Variants in MIB1 observed in about 807,000 individuals in gnomAD.
MIB1 encodes MIB E3 ubiquitin protein ligase 1.
A neutral mutation model predicts 124.5 loss-of-function variants in MIB1; 278 were observed. That is an observed-to-expected ratio of 2.23 (90% CI 2.02 to 2.47). The LOEUF is 2.47. Ranked by LOEUF, MIB1 falls within the 30% of genes most tolerant of loss-of-function variation. MIB1 has a pLI of 0.00. For missense variants in MIB1, 957 were observed against 1,254.4 expected (o/e 0.76, Z 3.58); for synonymous variants, 446 against 429.4 (o/e 1.04, Z -0.48).
intron 7 of MIB1, among the ~76,000 whole-genome samples, chr18:21,792,960 A>G (rs570005426): frequency 6.6e-6 from 1 of 152,374 alleles, no homozygotes; most frequent in Non-Finnish European, 1.5e-5. Flanking sequence ...TAACCAAAAA[A>G]GCCACAAACA....
At chr18:21,724,712 CAAAAAAAAAA>C (rs1193584277) in intron 1 of MIB1, among the ~76,000 whole-genome samples, 8 of 20,752 alleles carry the variant, frequency 3.9e-4, no homozygotes, top group Admixed American at 9.6e-4. Context: ...CTCCCCCATC[CAAAAAAAAAA>C]AAAAAATATA....
At chr18:21,713,612 CAAAAA>C (rs57282241) in intron 1 of MIB1, among the ~76,000 whole-genome samples, 4 of 44,208 alleles carry the variant, frequency 9.0e-5, no homozygotes, top group African/African-American at 2.2e-4. Flanking sequence ...GATTCTGTCT[CAAAAA>C]AAAAAAAAAA....
At chr18:21,737,370 C>T (rs943606844), upstream of MIB1, among the ~76,000 whole-genome samples, 2 of 152,046 alleles carry the variant, frequency 1.3e-5, no homozygotes, top group African/African-American at 4.8e-5. Context: ...CTTATAAGAG[C>T]TGAAGGAAGC....
intron 8 of MIB1, 58 bp downstream of exon 8, chr18:21,798,286 A>G (rs2041609342): frequency 6.5e-7 from 1 of 1,535,222 alleles, no homozygotes; most frequent in Admixed American, 1.7e-5. Context: ...AACCTTTGCT[A>G]ATTCCCCAGT....
intron 1 of MIB1, among the ~76,000 whole-genome samples, chr18:21,756,757 C>T (rs931846827): frequency 6.6e-6 from 1 of 152,092 alleles, no homozygotes; most frequent in South Asian, 2.1e-4. Context: ...AGCCACCGCA[C>T]GTGGAGTCAA....
chr18:21,743,985 T>C (rs773326038), intron 1 of MIB1, among the ~76,000 whole-genome samples: 12 of 152,092 alleles, frequency 7.9e-5, no homozygotes, highest in Non-Finnish European at 1.5e-4. Context: ...TATGTAGTGG[T>C]TTATCTTGTT....
At chr18:21,848,118 A>ATG (rs1363033881) in intron 16 of MIB1, among the ~76,000 whole-genome samples, 4 of 152,210 alleles carry the variant, frequency 2.6e-5, no homozygotes, top group African/African-American at 9.6e-5. Context: ...TGAGGTATAT[A>ATG]CATTTCTTTA....
At chr18:21,814,326 T>G (rs895392751) in intron 10 of MIB1, among the ~76,000 whole-genome samples, 1 of 152,176 alleles carries the variant, frequency 6.6e-6, no homozygotes, top group Non-Finnish European at 1.5e-5. Context: ...TTTTAATGTG[T>G]TGATAAATTG....
chr18:21,828,861 G>T, intron 12 of MIB1: 1 of 297,814 alleles, frequency 3.4e-6, no homozygotes, highest in Non-Finnish European at 6.7e-6. Flanking sequence ...TCTATCAGTA[G>T]TAGATAACCT....
intron 1 of MIB1, among the ~76,000 whole-genome samples, chr18:21,718,509 A>C (rs78003182): frequency 0.016 from 2,442 of 152,344 alleles, 38 homozygotes; most frequent in East Asian, 0.069. Flanking sequence ...TGTTCAGCCC[A>C]GTGAAATCTG....
chr18:21,741,728 G>C lies in MIB1; in HGVS notation c.145G>C (p.Val49Leu), dbSNP rs1405294104. The C allele has an allele frequency of 6.2e-7, 1 of 1,611,458 alleles. No homozygotes were observed. The highest frequency in any genetic ancestry group is 2.2e-5 in the East Asian group (1 of 44,794). Residue 49 changes from valine to leucine, a missense_variant, in exon 1 of 21, where the codon GTG becomes CTG. Physicochemically the swap from Val to Leu is conservative, Grantham distance 32. Coordinates refer to ENST00000261537, the MANE Select transcript of MIB1 (RefSeq NM_020774.4). This position sits in a 1 kb window ranked among gnomAD's most constrained non-coding sequence, Gnocchi z 5.4. ...VRSFESPEEV[V>L]VVWDNGTAAN... ...GAGCTTCGAGAGCCCCGAGGAGGTG[G>C]TGGTAGTGTGGGACAACGGCACAGC...
intron 6 of MIB1, among the ~76,000 whole-genome samples, chr18:21,788,942 C>T (rs941145296): frequency 6.6e-6 from 1 of 152,114 alleles, no homozygotes; most frequent in African/African-American, 2.4e-5. Flanking sequence ...AACTACTGAA[C>T]ATTGTTGAAA....
rs761187206 is a variant in MIB1 at position 21,779,618 on chromosome 18, A to G, written c.841A>G (p.Thr281Ala). The G allele has an allele frequency of 1.9e-6, 3 of 1,614,110 alleles. No homozygotes were observed. Among genetic ancestry groups the G allele is most frequent in the Non-Finnish European group, 2.5e-6 (3 of 1,179,986 alleles). Residue 281 changes from threonine to alanine, a missense_variant, in exon 6 of 21, where the codon ACA becomes GCA. By Grantham distance (58) the Thr-to-Ala change is moderately conservative (BLOSUM62 0). Transcript: ENST00000261537. Reference protein sequence around the residue: ...WTDGMFETLTTTGTVCGIDED... With the variant: ...WTDGMFETLTATGTVCGIDED... The stretch of plus-strand genomic sequence containing the variant: ...TGATGGAATGTTTGAGACTTTAACT[A>G]CAACTGGAACTGTTTGTGGCATTGA...
At position 21,779,633 on chromosome 18, in the gene MIB1, T is replaced by G; in HGVS notation, c.856T>G (p.Cys286Gly). ...FETLTTTGTV[C>G]GIDEDHDIVV... ...GACTTTAACTACAACTGGAACTGTTTGTGGCATTGATGAAGATCATGACAT... is the reference window on the plus strand; with the variant it reads ...GACTTTAACTACAACTGGAACTGTTGGTGGCATTGATGAAGATCATGACAT... The change falls in exon 6 of 21, where the codon TGT becomes GGT. Residue 286 changes from cysteine (C) to glycine (G), a missense_variant. Coordinates refer to ENST00000261537, the MANE Select transcript of MIB1 (RefSeq NM_020774.4). The G allele has an allele frequency of 6.2e-7, 1 of 1,614,150 alleles. No homozygotes were observed. The highest frequency in any genetic ancestry group is 1.1e-5 in the South Asian group (1 of 91,084).
At chr18:21,711,442 C>T (rs748476471) in intron 1 of MIB1, among the ~76,000 whole-genome samples, 1 of 151,716 alleles carries the variant, frequency 6.6e-6, no homozygotes, top group South Asian at 2.1e-4. Context: ...CCACTACGCC[C>T]GGCTAATCTT....
intron 20 of MIB1, among the ~76,000 whole-genome samples, chr18:21,859,197 C>T (rs1239354552): frequency 6.6e-6 from 1 of 151,754 alleles, no homozygotes; most frequent in Admixed American, 6.6e-5. Context: ...ATTTCTTGAG[C>T]CCAGGAGTTC....
intron 8 of MIB1, among the ~76,000 whole-genome samples, chr18:21,798,434 T>C (rs1231268191): frequency 2.0e-5 from 3 of 152,148 alleles, no homozygotes; most frequent in African/African-American, 7.2e-5. Context: ...TTATTCTGGC[T>C]GAAGTACTCC....
intron 11 of MIB1, among the ~76,000 whole-genome samples, chr18:21,817,351 C>A (rs2041839718): frequency 6.6e-6 from 1 of 151,960 alleles, no homozygotes; most frequent in Non-Finnish European, 1.5e-5. Flanking sequence ...TCTCAAACTT[C>A]TGGTCTCAAG....
rs183471984 is a variant in MIB1, at chr18:21,712,433, A to G, written n.167+7310A>G. 2.0e-5 allele frequency among the ~76,000 whole-genome samples: 3 copies of G among 152,256 alleles called. No individual in the cohort carries two copies. The East Asian group carries it at 5.8e-4, about 29-fold the overall frequency. ...ATGTCAACACTCCTGTGATTATACT[A>G]TGTTATATAAGACTCCTTAGCAGAC... On this transcript the variant is annotated intron_variant and non_coding_transcript_variant, in intron 1 of 20. Transcript: ENST00000578646.
Sources: allele counts gnomAD v4.1 joint callset (sites outside exome capture counted in the v4.1 genomes callset), GRCh38; gene constraint gnomAD v4.1.1; non-coding constraint Gnocchi (gnomAD v3.1); transcripts MANE v1.5; gene names NCBI Gene and HGNC (gene_info 2026-07-23, HGNC 2026-07-21).